Variants in CD96 observed in about 807,000 individuals in gnomAD.
The protein encoded by CD96 is T-cell surface protein tactile.
CD96 carries 70 observed loss-of-function variants against 71.3 expected under a neutral mutation model. The ratio of observed to expected loss-of-function variants is 0.98; its 90% CI spans 0.81 to 1.20. The LOEUF is 1.20. Among genes scored for constraint, CD96 ranks in the 50% most tolerant of loss-of-function variants. The probability of loss-of-function intolerance (pLI) is 0.00; values close to 1 mark genes in which losing one functional copy is unlikely to be tolerated. For synonymous variants in CD96, 248 were observed against 233.0 expected (o/e 1.06, Z -0.59); for missense variants, 742 against 677.5 (o/e 1.10, Z -1.06).
chr3:111,637,404 G>A, intron 11 of CD96, 143 bp downstream of exon 11: 1 of 691,466 alleles, frequency 1.4e-6, no homozygotes, highest in Non-Finnish European at 2.7e-6. Flanking sequence ...TACAATGAAT[G>A]GAAACAAAAT....
At chr3:111,548,775 C>T (rs1048259787) in intron 2 of CD96, among the ~76,000 whole-genome samples, 2 of 152,158 alleles carry the variant, frequency 1.3e-5, no homozygotes, top group East Asian at 1.9e-4. Context: ...AATTTTGATA[C>T]TACAATGTTG....
chr3:111,635,566 G>T (rs1939288413), intron 10 of CD96, among the ~76,000 whole-genome samples: 1 of 152,118 alleles, frequency 6.6e-6, no homozygotes, highest in East Asian at 1.9e-4. Context: ...TGTTATGTTA[G>T]GCTATTTTGC....
intron 5 of CD96, 69 bp downstream of exon 5, chr3:111,585,447 C>T (rs1936666390): frequency 3.0e-6 from 3 of 989,648 alleles, no homozygotes; most frequent in Middle Eastern, 2.1e-4. Flanking sequence ...GCATAGTTGC[C>T]AGGAATGTTC....
chr3:111,590,508 A>T (rs1346220429), intron 5 of CD96, among the ~76,000 whole-genome samples: 1 of 152,230 alleles, frequency 6.6e-6, no homozygotes, highest in Non-Finnish European at 1.5e-5. Context: ...TTTATGGCTA[A>T]TTTTAGTATT....
At chr3:111,575,762 A>G (rs761614876) in intron 3 of CD96, among the ~76,000 whole-genome samples, 1 of 152,240 alleles carries the variant, frequency 6.6e-6, no homozygotes, top group Non-Finnish European at 1.5e-5. Flanking sequence ...CAGAGAGGAC[A>G]AAAATCTTTG....
Position 111,638,100 on chromosome 3 carries a change from C to A in CD96, c.1409C>A (p.Ala470Asp), listed in dbSNP as rs146409785. ...CTAGACAATGTCTTTACCAGCACAG[C>A]CAGAGCATTTTCAGAAGTCCCCACA... ...TLHDNVFTSTARAFSEVPTTA... is the reference protein window; with the variant it reads ...TLHDNVFTSTDRAFSEVPTTA... The change falls in exon 12 of 14, where the codon GCC becomes GAC. Residue 470 changes from alanine to aspartate, a missense_variant. Physicochemically the swap from Ala to Asp is moderately radical, Grantham distance 126. Coordinates refer to ENST00000352690, the MANE Select transcript of CD96 (RefSeq NM_005816.5). The A allele has an allele frequency of 2.1e-5, 34 of 1,607,754 alleles. No individual in the cohort carries two copies. The highest frequency in any genetic ancestry group is 2.7e-5 in the Non-Finnish European group (32 of 1,174,364).
chr3:111,647,088 T>TA (rs11337310), intron 12 of CD96, among the ~76,000 whole-genome samples: 2,382 of 98,880 alleles, frequency 0.024, 28 homozygotes, highest in Non-Finnish European at 0.032. Context: ...GGGTAAAGAT[T>TA]AAAAAAAAAA....
intron 8 of CD96, among the ~76,000 whole-genome samples, chr3:111,623,158 G>C (rs1451498489): frequency 1.3e-5 from 2 of 152,088 alleles, no homozygotes; most frequent in African/African-American, 2.4e-5. Flanking sequence ...ATGGACTGTT[G>C]TTGGATATTC....
At chr3:111,592,063 C>T (rs996620014) in intron 5 of CD96, among the ~76,000 whole-genome samples, 4 of 152,094 alleles carry the variant, frequency 2.6e-5, no homozygotes, top group Admixed American at 2.0e-4. Flanking sequence ...TCCTGTCTTC[C>T]CAAGCTCTTT....
At chr3:111,556,215 T>A (rs1935021391) in intron 2 of CD96, among the ~76,000 whole-genome samples, 1 of 152,244 alleles carries the variant, frequency 6.6e-6, no homozygotes, top group East Asian at 1.9e-4. Context: ...TCTTTTTTTT[T>A]TATTATACTT....
At chr3:111,626,306 C>CAAAAAA (rs71131971) in intron 10 of CD96, among the ~76,000 whole-genome samples, 326 of 73,500 alleles carry the variant, frequency 4.4e-3, no homozygotes, top group Non-Finnish European at 5.4e-3. Context: ...GACTCCGTCT[C>CAAAAAA]AAAAAAAAAA....
intron 8 of CD96, among the ~76,000 whole-genome samples, chr3:111,617,607 G>GAGT (rs1332218454): frequency 1.3e-5 from 2 of 152,136 alleles, no homozygotes; most frequent in East Asian, 3.9e-4. Context: ...GACACTCATT[G>GAGT]GGACAGCCTG....
chr3:111,543,272 G>C (rs1934202133), intron 1 of CD96, among the ~76,000 whole-genome samples: 1 of 152,094 alleles, frequency 6.6e-6, no homozygotes, highest in Non-Finnish European at 1.5e-5. Flanking sequence ...TTCTGTAACA[G>C]GATTCCATGT....
At chr3:111,550,147 A>G (rs886702193) in intron 2 of CD96, among the ~76,000 whole-genome samples, 14 of 152,354 alleles carry the variant, frequency 9.2e-5, no homozygotes, top group African/African-American at 3.4e-4. Flanking sequence ...ATTACATAAA[A>G]GGAATAGCCA....
intron 10 of CD96, among the ~76,000 whole-genome samples, chr3:111,629,943 A>T (rs192802685): frequency 6.6e-6 from 1 of 152,198 alleles, no homozygotes; most frequent in Non-Finnish European, 1.5e-5. Flanking sequence ...TTAAGGCAGA[A>T]ATCAAGAAGT....
At chr3:111,565,833 T>C (rs1046082680) in intron 2 of CD96, among the ~76,000 whole-genome samples, 1 of 151,610 alleles carries the variant, frequency 6.6e-6, no homozygotes, top group Non-Finnish European at 1.5e-5. Flanking sequence ...GGAAATGCTG[T>C]GGGGAAGATG....
chr3:111,621,724 G>T (rs1938526646), intron 8 of CD96, among the ~76,000 whole-genome samples: 1 of 152,198 alleles, frequency 6.6e-6, no homozygotes. Context: ...CCTCTAGAGG[G>T]CGTGGTGGAG....
At chr3:111,595,590 A>G (rs1937218048) in intron 5 of CD96, 1 of 152,108 alleles carries the variant, frequency 6.6e-6, no homozygotes, top group Non-Finnish European at 1.5e-5. Flanking sequence ...TCAAGCACCT[A>G]CAAGTCTTAG....
At chr3:111,653,598 G>A (rs1940158431), downstream of CD96, among the ~76,000 whole-genome samples, 1 of 152,138 alleles carries the variant, frequency 6.6e-6, no homozygotes, top group African/African-American at 2.4e-5. Context: ...AATGAGTTAA[G>A]GGTTCTGTGA....
Sources: allele counts gnomAD v4.1 joint callset (sites outside exome capture counted in the v4.1 genomes callset), GRCh38; gene constraint gnomAD v4.1.1; transcripts MANE v1.5; gene names NCBI Gene and HGNC (gene_info 2026-07-23, HGNC 2026-07-21).